Variants in DPP10 observed in about 807,000 individuals in gnomAD.
The protein encoded by DPP10 is dipeptidyl peptidase like 10.
DPP10 carries 33 observed loss-of-function variants against 120.9 expected under a neutral mutation model. The ratio of observed to expected loss-of-function variants is 0.27; its 90% CI spans 0.21 to 0.37. DPP10 has a LOEUF of 0.37. Ranked by LOEUF, DPP10 falls within the 10% of genes least tolerant of loss-of-function variation. The pLI is 1.00. For synonymous variants in DPP10, 337 were observed against 326.1 expected, an observed-to-expected ratio of 1.03 and a Z score of -0.36; for missense variants, 816 against 942.8, an observed-to-expected ratio of 0.87 and a Z score of 1.76.
At chr2:115,016,760 A>C (rs532131791) in intron 1 of DPP10, among the ~76,000 whole-genome samples, 6 of 151,966 alleles carry the variant, frequency 3.9e-5, no homozygotes, top group Admixed American at 6.6e-5. Context: ...AAATGCATGT[A>C]TGTTTATTGC....
intron 3 of DPP10, among the ~76,000 whole-genome samples, chr2:115,394,131 T>C (rs186210916): frequency 1.5e-4 from 23 of 152,268 alleles, no homozygotes; most frequent in African/African-American, 4.6e-4. Context: ...TTCTAAAAAC[T>C]AGGAGGATAC....
intron 1 of DPP10, among the ~76,000 whole-genome samples, chr2:114,634,562 C>T (rs1695176037): frequency 6.6e-6 from 1 of 151,840 alleles, no homozygotes; most frequent in Non-Finnish European, 1.5e-5. Context: ...TGGGGGAAGA[C>T]AGGCTTTGAA....
chr2:115,465,163 G>A (rs1414939156), intron 3 of DPP10, among the ~76,000 whole-genome samples: 2 of 152,002 alleles, frequency 1.3e-5, no homozygotes, highest in Non-Finnish European at 2.9e-5. Flanking sequence ...TACTTATATA[G>A]GTATTGCCAT....
intron 1 of DPP10, among the ~76,000 whole-genome samples, chr2:115,269,072 G>T (rs1042612216): frequency 6.6e-6 from 1 of 152,172 alleles, no homozygotes; most frequent in Non-Finnish European, 1.5e-5. Context: ...ACTTGAACCC[G>T]GGAGGCAGAG....
intron 3 of DPP10, among the ~76,000 whole-genome samples, chr2:115,459,938 T>TATATATACACACAC (rs66927327): frequency 1.6e-5 from 2 of 128,504 alleles, no homozygotes; most frequent in East Asian, 2.2e-4. Flanking sequence ...TATATATATA[T>TATATATACACACAC]ACACACACAC....
At chr2:115,492,819 A>G (rs1422441487) in intron 3 of DPP10, among the ~76,000 whole-genome samples, 1 of 152,162 alleles carries the variant, frequency 6.6e-6, no homozygotes. Context: ...AAAACTCAAT[A>G]AAAAAGATCG....
chr2:115,138,298 C>T (rs2050750308), intron 1 of DPP10, among the ~76,000 whole-genome samples: 1 of 152,076 alleles, frequency 6.6e-6, no homozygotes, highest in South Asian at 2.1e-4. Flanking sequence ...GGTGATACAA[C>T]TTAACTGTGC....
At chr2:115,250,036 C>T (rs1295188583) in intron 1 of DPP10, among the ~76,000 whole-genome samples, 1 of 152,164 alleles carries the variant, frequency 6.6e-6, no homozygotes, top group African/African-American at 2.4e-5. Flanking sequence ...CAATTCACTG[C>T]TTAAGCAGTC....
intron 5 of DPP10, among the ~76,000 whole-genome samples, chr2:115,663,290 G>A (rs1003810435): frequency 6.6e-6 from 1 of 152,062 alleles, no homozygotes; most frequent in African/African-American, 2.4e-5. Flanking sequence ...TATTCTTGAT[G>A]CCTATATTCT....
chr2:114,582,078 T>C (rs1690572319), intron 1 of DPP10, among the ~76,000 whole-genome samples: 1 of 152,178 alleles, frequency 6.6e-6, no homozygotes, highest in Non-Finnish European at 1.5e-5. Flanking sequence ...TACAGAATAG[T>C]TTCACTGTCT....
chr2:115,772,985 T>G (rs1681661459), intron 13 of DPP10, among the ~76,000 whole-genome samples: 1 of 152,124 alleles, frequency 6.6e-6, no homozygotes, highest in Non-Finnish European at 1.5e-5. Context: ...GAGCTGATGA[T>G]TTCACTTGGA....
chr2:114,700,931 G>A (rs1700349779), intron 1 of DPP10, among the ~76,000 whole-genome samples: 1 of 152,000 alleles, frequency 6.6e-6, no homozygotes, highest in Non-Finnish European at 1.5e-5. Flanking sequence ...GTTGTTCAGT[G>A]AACACACAAC....
At chr2:114,855,636 C>T (rs1438158912) in intron 1 of DPP10, among the ~76,000 whole-genome samples, 1 of 152,182 alleles carries the variant, frequency 6.6e-6, no homozygotes, top group Non-Finnish European at 1.5e-5. Flanking sequence ...ATCTAGTTCA[C>T]ATTTGGTGAA....
intron 21 of DPP10, among the ~76,000 whole-genome samples, chr2:115,817,114 G>A (rs1281178411): frequency 2.0e-5 from 3 of 151,758 alleles, no homozygotes; most frequent in East Asian, 2.0e-4. Context: ...CGGGCGTGGT[G>A]GCGGGCGCCT....
chr2:115,824,498 T>A (rs1229483320), intron 21 of DPP10, among the ~76,000 whole-genome samples: 3 of 151,896 alleles, frequency 2.0e-5, no homozygotes, highest in Admixed American at 2.0e-4. Flanking sequence ...CAGGCACCAG[T>A]GTGTGATTTT....
intron 15 of DPP10, among the ~76,000 whole-genome samples, chr2:115,778,713 A>G (rs1352944776): frequency 1.3e-5 from 2 of 152,096 alleles, no homozygotes; most frequent in South Asian, 4.1e-4. Context: ...ATGCATGCTT[A>G]AAGTACCCCG....
At chr2:114,828,986 A>G (rs376896737) in intron 1 of DPP10, 2 of 152,398 alleles carry the variant, frequency 1.3e-5, no homozygotes, top group South Asian at 4.1e-4. Flanking sequence ...AAGGTCTCCT[A>G]TAAAAATAGT....
intron 5 of DPP10, among the ~76,000 whole-genome samples, chr2:115,577,096 T>G (rs1450040278): frequency 1.3e-5 from 2 of 152,212 alleles, no homozygotes; most frequent in East Asian, 3.8e-4. Flanking sequence ...TAATGCTCTC[T>G]CTCTCTGTTC....
intron 5 of DPP10, among the ~76,000 whole-genome samples, chr2:115,608,531 T>C (rs17454262): frequency 0.064 from 9,747 of 152,266 alleles, 418 homozygotes; most frequent in Middle Eastern, 0.13. Flanking sequence ...GACATTGCCA[T>C]GTAGTTGTTC....
Sources: allele counts gnomAD v4.1 joint callset (sites outside exome capture counted in the v4.1 genomes callset), GRCh38; gene constraint gnomAD v4.1.1; transcripts MANE v1.5; gene names NCBI Gene and HGNC (gene_info 2026-07-23, HGNC 2026-07-21).